FLT4: variants seen among roughly 807,000 people sequenced by gnomAD.
FLT4 encodes the protein fms related receptor tyrosine kinase 4, also known as vascular endothelial growth factor receptor 3.
FLT4 carries 30 observed loss-of-function variants against 163.2 expected under a neutral mutation model. The ratio of observed to expected loss-of-function variants is 0.18; its 90% CI spans 0.14 to 0.25. The LOEUF (loss-of-function observed/expected upper bound fraction) is 0.25. Among genes scored for constraint, FLT4 ranks in the 10% least tolerant of loss-of-function variants. The pLI is 1.00. For synonymous variants in FLT4, 884 were observed against 789.5 expected, an observed-to-expected ratio of 1.12 and a Z score of -2.01; for missense variants, 1,510 against 1,863.8, an observed-to-expected ratio of 0.81 and a Z score of 3.50.
intron 28 of FLT4, chr5:180,609,460 T>A: frequency 2.7e-6 from 1 of 376,190 alleles, no homozygotes; most frequent in Non-Finnish European, 5.0e-6. Context: ...TGTGGCTTGG[T>A]GTGGTTTTTA....
chr5:180,622,945 G>T, intron 11 of FLT4, 106 bp from the exon 12 acceptor site: 1 of 767,580 alleles, frequency 1.3e-6, no homozygotes, highest in South Asian at 1.4e-5. Context: ...CCAATCATGG[G>T]GGAAACTGAG....
intron 6 of FLT4, 133 bp from the exon 7 acceptor site, chr5:180,629,560 G>T: frequency 6.9e-7 from 1 of 1,452,500 alleles, no homozygotes; most frequent in Non-Finnish European, 9.4e-7. Flanking sequence ...TTCTTTGGGT[G>T]GAACACTTGC....
chr5:180,648,003 C>G (rs1024597594), intron 1 of FLT4, among the ~76,000 whole-genome samples: 6 of 152,196 alleles, frequency 3.9e-5, no homozygotes, highest in Non-Finnish European at 8.8e-5. Flanking sequence ...CCAGGGTTCC[C>G]CTCCCGGGTC....
chr5:180,612,644 C>T (rs368236879), intron 25 of FLT4, 33 bp from the exon 26 acceptor site: 26 of 1,518,218 alleles, frequency 1.7e-5, no homozygotes, highest in African/African-American at 1.5e-4. Context: ...GGACTGCATG[C>T]ACCCCACCCC....
intron 21 of FLT4, 114 bp downstream of exon 21, chr5:180,618,656 A>T: frequency 2.6e-6 from 3 of 1,164,846 alleles, no homozygotes; most frequent in South Asian, 2.7e-5. Context: ...GGCAGAGCCC[A>T]TTCCACACTC....
rs1424295312 is a variant in FLT4, at chr5:180,630,414, G to A, written c.401-77C>T. Reference sequence around the variant, plus strand: ...GGAGGGCTCCACGGGGCTGGGTGGTGCTGGTCCTGAACCAGCCACCCGCTG... The same window carrying A: ...GGAGGGCTCCACGGGGCTGGGTGGTACTGGTCCTGAACCAGCCACCCGCTG... On this transcript the variant is annotated intron_variant, in intron 3 of 29. Coordinates refer to ENST00000261937, the MANE Select transcript of FLT4 (RefSeq NM_182925.5). The surrounding 1 kb of genome is among the most constrained non-coding windows in gnomAD (Gnocchi z 6.3). 2.6e-6 allele frequency: 4 copies of A among 1,549,546 alleles called. No individual in the cohort carries two copies. The African/African-American group carries it at 4.1e-5, about 16-fold the overall frequency.
rs202119145 is a variant in FLT4 at position 180,629,452 on chromosome 5, C to T, written c.817-25G>A. 1.2e-5 allele frequency: 20 copies of T among 1,608,524 alleles called. No homozygotes were observed. The East Asian group carries it at 1.3e-4, about 11-fold the overall frequency. On this transcript the variant is annotated intron_variant, in intron 6 of 29. Coordinates refer to ENST00000261937, the MANE Select transcript of FLT4 (RefSeq NM_182925.5). ...CCTGCCCGCACCCAGGGAAGCCCCGCGTCAGCAGGCGGGCTCCTGCACAGC... is the reference window on the plus strand; with the variant it reads ...CCTGCCCGCACCCAGGGAAGCCCCGTGTCAGCAGGCGGGCTCCTGCACAGC...
chr5:180,608,918 G>C (rs1761960967), intron 29 of FLT4, 50 bp downstream of exon 29: 1 of 1,477,506 alleles, frequency 6.8e-7, no homozygotes, highest in Non-Finnish European at 9.5e-7. Flanking sequence ...CCTCCTCCAG[G>C]GGAGGGCAAC....
chr5:180,604,436 C>T (rs561897836), intron 29 of FLT4, among the ~76,000 whole-genome samples: 9 of 152,338 alleles, frequency 5.9e-5, no homozygotes, highest in South Asian at 2.1e-4. Flanking sequence ...GTGTCCTTGC[C>T]GGCTCTGTGA....
At chr5:180,609,316 G>A in intron 28 of FLT4, 1 of 561,648 alleles carries the variant, frequency 1.8e-6, no homozygotes, top group Non-Finnish European at 3.2e-6. Flanking sequence ...CGGTGGCCAA[G>A]CATATGCTCA....
chr5:180,621,513 G>A, intron 13 of FLT4, 29 bp downstream of exon 13: 1 of 1,608,552 alleles, frequency 6.2e-7, no homozygotes, highest in South Asian at 1.1e-5. Context: ...AAGAGAGCGC[G>A]TCCCCGCCCT....
At chr5:180,614,278 G>A (rs1581626594) in intron 23 of FLT4, 99 bp from the exon 24 acceptor site, 1 of 724,466 alleles carries the variant, frequency 1.4e-6, no homozygotes, top group South Asian at 1.6e-5. Context: ...GTGTCCTGCG[G>A]TGGATGGGGA....
intron 18 of FLT4, 69 bp from the exon 19 acceptor site, chr5:180,619,435 TTTGGG>T (rs781512497): frequency 5.7e-6 from 7 of 1,238,400 alleles, no homozygotes; most frequent in Non-Finnish European, 8.2e-6. Context: ...ACCCGGCGCT[TTTGGG>T]AGGGGGAGGG....
intron 19 of FLT4, 70 bp downstream of exon 19, chr5:180,619,183 C>CGCGCCCCCTCCCGCCCGCG: frequency 7.6e-7 from 1 of 1,312,292 alleles, no homozygotes; most frequent in Non-Finnish European, 9.8e-7. Flanking sequence ...CGTTTGCACC[C>CGCGCCCCCTCCCGCCCGCG]GCGCCCCCTC....
At position 180,630,280 on chromosome 5, in the gene FLT4, G is replaced by A. The variant is rs2127837250; in HGVS notation, c.458C>T (p.Ala153Val). 6.2e-7 allele frequency: 1 copy of A among 1,612,626 alleles called. No homozygotes were observed. Among genetic ancestry groups the A allele is most frequent in the Non-Finnish European group, 8.5e-7 (1 of 1,179,976 alleles). ...GGACACCAGACAGGGCACCCACATG[G>A]CGTCCTTCCTGTTGACCAAGAGCGT... ...PDTLLVNRKD[A>V]MWVPCLVSIP... The change falls in exon 4 of 30, where the codon GCC becomes GTC. Residue 153 changes from alanine (A) to valine (V), a missense_variant. Ala to Val is a moderately conservative substitution (Grantham distance 64). Coordinates refer to ENST00000261937, the MANE Select transcript of FLT4 (RefSeq NM_182925.5). This position sits in a 1 kb window ranked among gnomAD's most constrained non-coding sequence, Gnocchi z 6.3.
intron 21 of FLT4, 68 bp downstream of exon 21, chr5:180,618,702 G>A (rs1376113361): frequency 6.5e-7 from 1 of 1,538,300 alleles, no homozygotes; most frequent in Non-Finnish European, 8.8e-7. Context: ...CCCAGGCTGG[G>A]GTGCCTGATC....
intron 1 of FLT4, among the ~76,000 whole-genome samples, chr5:180,637,344 A>G (rs1228053558): frequency 6.6e-6 from 1 of 151,434 alleles, no homozygotes; most frequent in Non-Finnish European, 1.5e-5. Context: ...AAAAAAAAAA[A>G]AAGAAAAGAA....
At chr5:180,607,983 G>A (rs879840423) in intron 29 of FLT4, 1 of 643,672 alleles carries the variant, frequency 1.6e-6, no homozygotes, top group East Asian at 2.7e-5. Flanking sequence ...GACCATGAAA[G>A]GGCGTCTCCC....
chr5:180,619,901 C>G, intron 17 of FLT4, 132 bp from the exon 18 acceptor site: 1 of 724,774 alleles, frequency 1.4e-6, no homozygotes. Flanking sequence ...GGAGCCACAG[C>G]GGGAAGACAA....
Sources: allele counts gnomAD v4.1 joint callset (sites outside exome capture counted in the v4.1 genomes callset), GRCh38; gene constraint gnomAD v4.1.1; non-coding constraint Gnocchi (gnomAD v3.1); transcripts MANE v1.5; gene names NCBI Gene and HGNC (gene_info 2026-07-23, HGNC 2026-07-21).